VPS53: variants seen among roughly 807,000 people sequenced by gnomAD.
VPS53 encodes the protein VPS53 subunit of GARP complex.
A neutral mutation model predicts 107.0 loss-of-function variants in VPS53; 70 were observed. The observed-to-expected ratio is 0.65, with a 90% CI of 0.54 to 0.80. The LOEUF (loss-of-function observed/expected upper bound fraction) is 0.80. Ranked by LOEUF, VPS53 falls within the 30% of genes least tolerant of loss-of-function variation. VPS53 has a pLI of 0.00. For missense variants in VPS53, 917 were observed against 1,049.4 expected, an observed-to-expected ratio of 0.87 and a Z score of 1.74; for synonymous variants, 409 against 393.3, an observed-to-expected ratio of 1.04 and a Z score of -0.47.
intron 11 of VPS53, among the ~76,000 whole-genome samples, chr17:617,496 G>T (rs1053149403): frequency 6.6e-6 from 1 of 152,220 alleles, no homozygotes; most frequent in African/African-American, 2.4e-5. Flanking sequence ...CTGCCTTCTG[G>T]GCTAAAGTGA....
At chr17:628,352 C>CA (rs1969806880) in intron 8 of VPS53, 121 bp from the exon 9 acceptor site, 1 of 1,189,732 alleles carries the variant, frequency 8.4e-7, no homozygotes, top group Non-Finnish European at 1.2e-6. Context: ...CCTTCACACT[C>CA]ATTCTTTCTG....
At chr17:582,726 CT>C (rs1294853002) in intron 13 of VPS53, among the ~76,000 whole-genome samples, 1 of 150,638 alleles carries the variant, frequency 6.6e-6, no homozygotes, top group African/African-American at 2.4e-5. Context: ...GATAACCTCC[CT>C]CAGAATCTCA....
intron 4 of VPS53, among the ~76,000 whole-genome samples, chr17:688,027 T>C (rs910421452): frequency 2.6e-5 from 4 of 152,200 alleles, no homozygotes; most frequent in Admixed American, 6.5e-5. Flanking sequence ...GGAGAGAAGA[T>C]AGCTATTTGG....
chr17:536,788 G>A (rs1048291713), intron 18 of VPS53: 19 of 459,070 alleles, frequency 4.1e-5, no homozygotes, highest in Non-Finnish European at 5.1e-5. Context: ...AATGTCCAGC[G>A]CGACGTCAGA....
chr17:604,242 C>T (rs938686251), intron 11 of VPS53, among the ~76,000 whole-genome samples: 12 of 152,072 alleles, frequency 7.9e-5, no homozygotes, highest in African/African-American at 2.2e-4. Flanking sequence ...GCTCTGCTCT[C>T]GCTGGCATAA....
At chr17:636,817 GC>G (rs1385629437) in intron 7 of VPS53, among the ~76,000 whole-genome samples, 1 of 152,202 alleles carries the variant, frequency 6.6e-6, no homozygotes, top group Non-Finnish European at 1.5e-5. Flanking sequence ...GATTTGGTTT[GC>G]CAGTATTTTA....
At chr17:686,542 C>T (rs1023104261) in intron 4 of VPS53, among the ~76,000 whole-genome samples, 9 of 152,292 alleles carry the variant, frequency 5.9e-5, no homozygotes, top group African/African-American at 2.2e-4. Flanking sequence ...CCACTGTTGC[C>T]ACAGCAGATA....
At chr17:618,362 C>A (rs1969260788) in intron 11 of VPS53, among the ~76,000 whole-genome samples, 2 of 107,370 alleles carry the variant, frequency 1.9e-5, no homozygotes, top group African/African-American at 6.1e-5. Context: ...CACCACGCCC[C>A]ACTAATATTT....
intron 14 of VPS53, 118 bp downstream of exon 14, chr17:562,385 C>A: frequency 7.1e-7 from 1 of 1,400,302 alleles, no homozygotes; most frequent in African/African-American, 1.4e-5. Context: ...ACTCAGGAAG[C>A]GTGCTTTCCT....
chr17:526,847 C>G (rs899186704), intron 19 of VPS53, among the ~76,000 whole-genome samples: 1 of 152,138 alleles, frequency 6.6e-6, no homozygotes, highest in Non-Finnish European at 1.5e-5. Context: ...TGATGACTAT[C>G]AACAGTGATG....
At position 521,870 on chromosome 17, in the gene VPS53, C is replaced by A. The variant is rs1054352298; in HGVS notation, c.2086-132G>T. On this transcript the variant is annotated intron_variant, in intron 19 of 21. Coordinates refer to ENST00000437048, the MANE Select transcript of VPS53 (RefSeq NM_001128159.3). Reference sequence around the variant, plus strand: ...TGTTGCAAAAAATTGGGGAAATAAACAGAAATATAAAAGAAAAAAATTATG... The same window carrying A: ...TGTTGCAAAAAATTGGGGAAATAAAAAGAAATATAAAAGAAAAAAATTATG... 4 of 1,124,132 alleles carry A rather than the reference C, an allele frequency of 3.6e-6. No individual in the cohort carries two copies. In the African/African-American group the frequency reaches 6.4e-5, roughly 18 times the overall value. 69.6% of individuals were successfully genotyped at this position (1,124,132 alleles called of 1,614,324 possible).
chr17:527,281 G>A lies in VPS53; in HGVS notation c.2086-5543C>T, dbSNP rs551595577. On this transcript the variant is annotated intron_variant, in intron 19 of 21. Coordinates refer to ENST00000437048, the MANE Select transcript of VPS53 (RefSeq NM_001128159.3). The stretch of plus-strand genomic sequence containing the variant: ...GCTCATAAACCTGCTCTGAACATTC[G>A]TCTCTCCTACTCTCTCTCACTGTAG... Among the ~76,000 whole-genome samples the A allele has an allele frequency of 2.6e-4, 39 of 152,002 alleles. No individual in the cohort carries two copies. The South Asian group carries it at 6.2e-3, about 24-fold the overall frequency.
chr17:633,024 A>G (rs1371382789), intron 7 of VPS53, among the ~76,000 whole-genome samples: 1 of 152,226 alleles, frequency 6.6e-6, no homozygotes, highest in Non-Finnish European at 1.5e-5. Flanking sequence ...AACTGCAAGG[A>G]AAACCAGCTA....
intron 3 of VPS53, 146 bp from the exon 4 acceptor site, chr17:697,630 A>T: frequency 1.5e-6 from 1 of 660,512 alleles, no homozygotes; most frequent in Non-Finnish European, 2.6e-6. Context: ...GAGTGGCATC[A>T]GGCAGGAGGA....
chr17:579,530 C>G (rs945303316), intron 13 of VPS53, among the ~76,000 whole-genome samples: 2 of 151,006 alleles, frequency 1.3e-5, no homozygotes, highest in Middle Eastern at 7.2e-3. Flanking sequence ...TCAGTGCATT[C>G]CCAGAGAACT....
intron 19 of VPS53, among the ~76,000 whole-genome samples, chr17:526,760 G>A (rs987927599): frequency 6.6e-6 from 1 of 152,206 alleles, no homozygotes; most frequent in African/African-American, 2.4e-5. Context: ...TGCCTGTGAA[G>A]GCTGATCACC....
rs201925127 is a variant in VPS53, at chr17:710,612, A to G, written c.89T>C (p.Val30Ala). The G allele has an allele frequency of 6.2e-6, 10 of 1,608,430 alleles. No homozygotes were observed. Among genetic ancestry groups the G allele is most frequent in the Non-Finnish European group, 8.5e-6 (10 of 1,174,934 alleles). ...ATCTAGAGGGTCCTGGCTTGGAAAC[A>G]CCTATATAGAAAGAGAGGAGTATAT... ...TPEVQLAIEQ[V>A]FPSQDPLDRA... Residue 30 changes from valine (V) to alanine (A), a missense_variant and splice_region_variant, in exon 2 of 22, where the codon GTG (valine) becomes GCG (alanine). Coordinates refer to ENST00000437048, the MANE Select transcript of VPS53 (RefSeq NM_001128159.3).
intron 12 of VPS53, among the ~76,000 whole-genome samples, chr17:600,249 T>C (rs1968265210): frequency 6.6e-6 from 1 of 152,214 alleles, no homozygotes; most frequent in South Asian, 2.1e-4. Flanking sequence ...ACTGCAAGCA[T>C]CTGAGTGTTT....
intron 2 of VPS53, among the ~76,000 whole-genome samples, chr17:699,610 C>A (rs1973119903): frequency 6.6e-6 from 1 of 151,924 alleles, no homozygotes; most frequent in African/African-American, 2.4e-5. Flanking sequence ...CACAGCCATG[C>A]CCGTTCACTT....
Sources: gnomAD v4.1 joint callset for allele counts (sites outside exome capture counted in the v4.1 genomes callset) on GRCh38, gnomAD v4.1.1 for gene constraint, MANE v1.5 for transcripts, NCBI Gene and HGNC (gene_info 2026-07-23, HGNC 2026-07-21) for gene names.